The following NKAIN2 variants were observed in gnomAD, a reference collection of about 807,000 sequenced individuals.
NKAIN2 encodes sodium/potassium transporting ATPase interacting 2.
In NKAIN2, 14 loss-of-function variants were observed where a neutral mutation model predicts 32.6. The ratio of observed to expected loss-of-function variants is 0.43; its 90% CI spans 0.28 to 0.67. NKAIN2 has a LOEUF of 0.67. Ranked by LOEUF, NKAIN2 falls within the 30% of genes least tolerant of loss-of-function variation. NKAIN2 has a pLI of 0.17. For synonymous variants in NKAIN2, 80 were observed against 87.2 expected (o/e 0.92, Z 0.46); for missense variants, 198 against 258.3 (o/e 0.77, Z 1.60).
intron 3 of NKAIN2, among the ~76,000 whole-genome samples, chr6:124,436,155 G>A (rs947491848): frequency 2.0e-5 from 3 of 152,164 alleles, no homozygotes. Context: ...TTGGTACACT[G>A]ATGGAAATGA....
intron 1 of NKAIN2, among the ~76,000 whole-genome samples, chr6:124,161,044 T>C (rs1174248391): frequency 1.3e-5 from 2 of 152,194 alleles, no homozygotes; most frequent in African/African-American, 4.8e-5. Flanking sequence ...AAAGGACTGT[T>C]GAAAGTTAGA....
intron 1 of NKAIN2, among the ~76,000 whole-genome samples, chr6:124,014,368 C>T (rs1780472574): frequency 6.6e-6 from 1 of 152,018 alleles, no homozygotes; most frequent in Non-Finnish European, 1.5e-5. Context: ...GGCCATTAGT[C>T]TTCAGTATGT....
chr6:124,447,920 C>T (rs1775960520), intron 3 of NKAIN2, among the ~76,000 whole-genome samples: 1 of 152,016 alleles, frequency 6.6e-6, no homozygotes. Flanking sequence ...CATTAGGTTG[C>T]CCTTTGCACT....
At chr6:123,903,258 A>G (rs1279752067) in intron 1 of NKAIN2, among the ~76,000 whole-genome samples, 2 of 152,194 alleles carry the variant, frequency 1.3e-5, no homozygotes, top group African/African-American at 4.8e-5. Context: ...AAATTGGAGC[A>G]TGGGGGAAGA....
chr6:123,868,892 T>C (rs1002693434), intron 1 of NKAIN2, among the ~76,000 whole-genome samples: 2 of 152,130 alleles, frequency 1.3e-5, no homozygotes, highest in African/African-American at 4.8e-5. Context: ...ATTTTAGAGA[T>C]GGTGAATACT....
chr6:124,815,506 G>A lies in NKAIN2; in HGVS notation c.536-2881G>A, dbSNP rs1324726844. Reference sequence around the variant, plus strand: ...GCTGGTCTTCAACTGCTGACCTTAGGTGACCCATCTGCCTCAGCCTCCCAC... The same window carrying A: ...GCTGGTCTTCAACTGCTGACCTTAGATGACCCATCTGCCTCAGCCTCCCAC... On this transcript the variant is annotated intron_variant, in intron 5 of 6. Transcript: ENST00000368417. Among the ~76,000 whole-genome samples, 5 of 151,948 alleles carry A rather than the reference G, an allele frequency of 3.3e-5. No individual in the cohort carries two copies. The East Asian group carries it at 5.8e-4, about 18-fold the overall frequency.
At chr6:124,602,264 G>A (rs1306406089) in intron 3 of NKAIN2, among the ~76,000 whole-genome samples, 1 of 151,948 alleles carries the variant, frequency 6.6e-6, no homozygotes, top group African/African-American at 2.4e-5. Flanking sequence ...GCATTTGAGA[G>A]AAAAATTCCT....
intron 1 of NKAIN2, among the ~76,000 whole-genome samples, chr6:124,176,115 A>G (rs1450148164): frequency 6.6e-6 from 1 of 152,136 alleles, no homozygotes; most frequent in Non-Finnish European, 1.5e-5. Context: ...TAAGGGTTAT[A>G]CTATACTGTA....
At chr6:124,793,423 CATTGAGAT>C (rs1779834950) in intron 5 of NKAIN2, among the ~76,000 whole-genome samples, 1 of 152,094 alleles carries the variant, frequency 6.6e-6, no homozygotes, top group Non-Finnish European at 1.5e-5. Flanking sequence ...TATGTAAGTT[CATTGAGAT>C]ATTACCATTC....
At chr6:123,947,560 T>C (rs553471046) in intron 1 of NKAIN2, among the ~76,000 whole-genome samples, 24 of 152,290 alleles carry the variant, frequency 1.6e-4, no homozygotes, top group Non-Finnish European at 2.9e-4. Context: ...TGCCTACTTT[T>C]TTTAAGCCAT....
chr6:124,422,078 G>GA (rs144785573), intron 3 of NKAIN2, among the ~76,000 whole-genome samples: 4,732 of 151,918 alleles, frequency 0.031, 246 homozygotes, highest in African/African-American at 0.11. Context: ...TAGAATGACA[G>GA]AAAAAATAAA....
intron 1 of NKAIN2, among the ~76,000 whole-genome samples, chr6:124,264,745 G>A (rs929728834): frequency 1.3e-5 from 2 of 152,048 alleles, no homozygotes; most frequent in African/African-American, 4.8e-5. Context: ...TCTTGAGTAG[G>A]GCAGCATCTA....
intron 3 of NKAIN2, among the ~76,000 whole-genome samples, chr6:124,635,630 G>A (rs1783745825): frequency 6.6e-6 from 1 of 151,940 alleles, no homozygotes; most frequent in African/African-American, 2.4e-5. Flanking sequence ...GAAACCAAAA[G>A]CATGCAGGAG....
intron 3 of NKAIN2, among the ~76,000 whole-genome samples, chr6:124,451,145 T>C (rs1776091705): frequency 6.6e-6 from 1 of 152,134 alleles, no homozygotes; most frequent in African/African-American, 2.4e-5. Flanking sequence ...CTTATCTATA[T>C]TCATTGAAAG....
At chr6:123,825,084 C>A (rs1055718649) in intron 1 of NKAIN2, among the ~76,000 whole-genome samples, 3 of 152,142 alleles carry the variant, frequency 2.0e-5, no homozygotes, top group African/African-American at 7.2e-5. Flanking sequence ...AATGTGGGCA[C>A]TTTCTAGCTG....
At chr6:123,983,894 A>G (rs2114671583) in intron 1 of NKAIN2, among the ~76,000 whole-genome samples, 1 of 152,176 alleles carries the variant, frequency 6.6e-6, no homozygotes, top group African/African-American at 2.4e-5. Context: ...ATGTTTTATC[A>G]CAAACTCTCC....
chr6:123,892,915 C>A (rs947935528), intron 1 of NKAIN2, among the ~76,000 whole-genome samples: 1 of 151,260 alleles, frequency 6.6e-6, no homozygotes, highest in Non-Finnish European at 1.5e-5. Flanking sequence ...GCTCAATCAT[C>A]ACGTATTTTT....
At chr6:124,464,013 T>TCAAG (rs1776641701) in intron 3 of NKAIN2, among the ~76,000 whole-genome samples, 1 of 152,038 alleles carries the variant, frequency 6.6e-6, no homozygotes, top group African/African-American at 2.4e-5. Flanking sequence ...GACAAAGTCT[T>TCAAG]ACTTTGTCAC....
intron 1 of NKAIN2, among the ~76,000 whole-genome samples, chr6:124,175,101 C>G (rs2114517681): frequency 6.6e-6 from 1 of 152,150 alleles, no homozygotes; most frequent in Admixed American, 6.6e-5. Flanking sequence ...ACCATTGTAA[C>G]TTGGGTTATC....
Sources: gnomAD v4.1 joint callset for allele counts (sites outside exome capture counted in the v4.1 genomes callset) on GRCh38, gnomAD v4.1.1 for gene constraint, MANE v1.5 for transcripts, NCBI Gene and HGNC (gene_info 2026-07-23, HGNC 2026-07-21) for gene names.